The following JARID2 variants were observed in gnomAD, a reference collection of about 807,000 sequenced individuals.
The protein encoded by JARID2 is protein Jumonji.
Under a neutral mutation model 125.6 loss-of-function variants are expected in JARID2, and 21 were observed. That is an observed-to-expected ratio of 0.17 (90% CI 0.12 to 0.24). The LOEUF (loss-of-function observed/expected upper bound fraction) is 0.24. Ranked by LOEUF, JARID2 falls within the 10% of genes least tolerant of loss-of-function variation. The pLI, the probability that JARID2 is intolerant of heterozygous loss-of-function variation, is 1.00. For missense variants in JARID2, 1,303 were observed against 1,639.6 expected (o/e 0.79, Z 3.55); for synonymous variants, 736 against 661.6 (o/e 1.11, Z -1.73).
In JARID2 at chr6:15,520,879, T is replaced by C. The variant is rs1362836078; in HGVS notation, c.*628T>C. ...CGAGGAGACGGGAGCGAGTGGGCTC[T>C]CCACCAGCACATCACTATGCATCTG... On this transcript the variant is annotated 3_prime_UTR_variant, in exon 18 of 18. Coordinates refer to ENST00000341776, the MANE Select transcript of JARID2 (RefSeq NM_004973.4). 6.6e-6 allele frequency: 3 copies of C among 455,344 alleles called. No homozygotes were observed. The highest frequency in any genetic ancestry group is 8.8e-6 in the Non-Finnish European group (2 of 226,572). The allele number at this position is 455,344 out of a possible 1,614,324, so 28.2% of individuals were successfully genotyped here.
chr6:15,474,325 AC>A (rs1769236042), intron 5 of JARID2, among the ~76,000 whole-genome samples: 1 of 152,290 alleles, frequency 6.6e-6, no homozygotes, highest in African/African-American at 2.4e-5. Flanking sequence ...TACTTCCTCA[AC>A]CATTTCTAGA....
intron 3 of JARID2, among the ~76,000 whole-genome samples, chr6:15,415,554 G>A (rs1357672188): frequency 4.9e-5 from 7 of 143,336 alleles, no homozygotes; most frequent in African/African-American, 1.1e-4. Flanking sequence ...GGGCAGAGGC[G>A]CCCCTCACCT....
At chr6:15,490,919 C>T (rs540334688) in intron 6 of JARID2, among the ~76,000 whole-genome samples, 1 of 152,164 alleles carries the variant, frequency 6.6e-6, no homozygotes, top group South Asian at 2.1e-4. Flanking sequence ...TCATTTCTTA[C>T]GCTGAGGCTG....
Position 15,304,391 on chromosome 6 carries a change from C to CT in JARID2, c.45+57814dup, listed in dbSNP as rs200496182. 1.5e-4 allele frequency among the ~76,000 whole-genome samples: 20 copies of CT among 135,278 alleles called. No individual in the cohort carries two copies. In the East Asian group the frequency reaches 4.4e-3, roughly 30 times the overall value. 88.7% of individuals were successfully genotyped at this position (135,278 alleles called of 152,430 possible). On this transcript the variant is annotated intron_variant, in intron 1 of 17. Transcript: ENST00000341776. ...ATCTGGAGAGGTGATAATTTATTCA[C>CT]TTTTTTTAGAGGACTCTAAAGCCAG... is the stretch of plus-strand genomic sequence containing the variant.
At chr6:15,464,157 T>C (rs1322769002) in intron 4 of JARID2, among the ~76,000 whole-genome samples, 1 of 152,216 alleles carries the variant, frequency 6.6e-6, no homozygotes, top group Non-Finnish European at 1.5e-5. Flanking sequence ...ACTGCATTTG[T>C]CTCGAGGAGA....
intron 1 of JARID2, among the ~76,000 whole-genome samples, chr6:15,316,181 T>C (rs1054103761): frequency 1.3e-5 from 2 of 151,958 alleles, no homozygotes; most frequent in Admixed American, 1.3e-4. Flanking sequence ...AGTGGCACGA[T>C]CTCTGCTCAC....
intron 4 of JARID2, among the ~76,000 whole-genome samples, chr6:15,465,234 C>G (rs1316841072): frequency 6.6e-6 from 1 of 152,158 alleles, no homozygotes; most frequent in African/African-American, 2.4e-5. Context: ...GGGAAGATCA[C>G]TTGAGGTCAG....
At position 15,468,649 on chromosome 6, in the gene JARID2, A is replaced by C; in HGVS notation, c.601A>C (p.Asn201His). The C allele has an allele frequency of 1.2e-6, 2 of 1,614,208 alleles. No homozygotes were observed. Among genetic ancestry groups the C allele is most frequent in the Non-Finnish European group, 1.7e-6 (2 of 1,180,018 alleles). Reference protein sequence around the residue: ...ETEDVKTATNNASSSCQSTPR... With the variant: ...ETEDVKTATNHASSSCQSTPR... ...AGAAGACGTCAAAACAGCCACCAAC[A>C]ATGCTTCATCTTCATGCCAGTCGAC... Residue 201 changes from asparagine to histidine, a missense_variant, in exon 5 of 18, where the codon AAT (asparagine) becomes CAT (histidine). Coordinates refer to ENST00000341776, the MANE Select transcript of JARID2 (RefSeq NM_004973.4).
At chr6:15,428,068 G>A (rs1051571305) in intron 3 of JARID2, among the ~76,000 whole-genome samples, 5 of 152,082 alleles carry the variant, frequency 3.3e-5, no homozygotes, top group African/African-American at 1.2e-4. Context: ...ATGGGAGTCT[G>A]GCGGGTGATG....
chr6:15,495,225 C>T (rs765909651), intron 6 of JARID2, among the ~76,000 whole-genome samples: 1 of 152,166 alleles, frequency 6.6e-6, no homozygotes, highest in Non-Finnish European at 1.5e-5. Flanking sequence ...CATTGTCGCT[C>T]CCCATTTTCG....
chr6:15,512,046 A>C (rs1187288648), intron 13 of JARID2, among the ~76,000 whole-genome samples, 162 bp from the exon 14 acceptor site: 1 of 152,218 alleles, frequency 6.6e-6, no homozygotes, highest in Non-Finnish European at 1.5e-5. Flanking sequence ...AGTGCAGTTT[A>C]GAAGCTCCTT....
intron 1 of JARID2, among the ~76,000 whole-genome samples, chr6:15,252,448 T>C (rs1156864678): frequency 6.6e-6 from 1 of 152,240 alleles, no homozygotes; most frequent in East Asian, 1.9e-4. Flanking sequence ...ACTCCCTGTC[T>C]GCTTCATGCC....
chr6:15,388,652 T>A (rs1185041590), intron 2 of JARID2, among the ~76,000 whole-genome samples: 1 of 150,596 alleles, frequency 6.6e-6, no homozygotes, highest in East Asian at 1.9e-4. Context: ...TTTATAATAT[T>A]TTATATTCGC....
At chr6:15,447,118 C>A (rs540152565) in intron 3 of JARID2, among the ~76,000 whole-genome samples, 4 of 152,290 alleles carry the variant, frequency 2.6e-5, no homozygotes, top group African/African-American at 4.8e-5. Flanking sequence ...CACATACACG[C>A]CCCAGTGATG....
chr6:15,464,670 T>A (rs1297454169), intron 4 of JARID2, among the ~76,000 whole-genome samples: 1 of 152,234 alleles, frequency 6.6e-6, no homozygotes, highest in Non-Finnish European at 1.5e-5. Flanking sequence ...AGTTCATTTT[T>A]ATTCTGCTTC....
chr6:15,520,787 C>T lies in JARID2; in HGVS notation c.*536C>T, dbSNP rs905826616. The T allele has an allele frequency of 2.2e-5, 10 of 455,844 alleles. No homozygotes were observed. Among genetic ancestry groups the T allele is most frequent in the Non-Finnish European group, 4.0e-5 (9 of 226,784 alleles). 28.2% of individuals were successfully genotyped at this position (455,844 alleles called of 1,614,324 possible). On this transcript the variant is annotated 3_prime_UTR_variant, in exon 18 of 18. Transcript: ENST00000341776. Reference sequence around the variant, plus strand: ...TTGTGATCTGGGAAGCCGGGGCACCCCCGTTTTGTTTCTCTGGGCGGTTGT... The same window carrying T: ...TTGTGATCTGGGAAGCCGGGGCACCTCCGTTTTGTTTCTCTGGGCGGTTGT...
At chr6:15,404,199 T>C (rs148244630) in intron 2 of JARID2, among the ~76,000 whole-genome samples, 8 of 152,158 alleles carry the variant, frequency 5.3e-5, no homozygotes, top group African/African-American at 1.9e-4. Flanking sequence ...CTGCAGACCC[T>C]GTGCCCTGCT....
intron 1 of JARID2, among the ~76,000 whole-genome samples, chr6:15,351,619 C>T (rs1160772046): frequency 1.3e-5 from 2 of 152,190 alleles, no homozygotes; most frequent in Admixed American, 1.3e-4. Context: ...TACCGACTTG[C>T]ACCTGTGTTC....
intron 1 of JARID2, among the ~76,000 whole-genome samples, chr6:15,346,892 C>A (rs1171635954): frequency 6.6e-6 from 1 of 151,964 alleles, no homozygotes; most frequent in Non-Finnish European, 1.5e-5. Context: ...CTTGCCACCA[C>A]ACCCATCTAA....
Sources: allele counts gnomAD v4.1 joint callset (sites outside exome capture counted in the v4.1 genomes callset), GRCh38; gene constraint gnomAD v4.1.1; transcripts MANE v1.5; gene names NCBI Gene and HGNC (gene_info 2026-07-23, HGNC 2026-07-21).